The following AGK variants were observed in gnomAD, a reference collection of about 807,000 sequenced individuals.
AGK encodes the protein acylglycerol kinase.
AGK carries 52 observed loss-of-function variants against 66.4 expected under a neutral mutation model. That is an observed-to-expected ratio of 0.78 (90% CI 0.63 to 0.99). The LOEUF is 0.99. Ranked by LOEUF, AGK falls within the 50% of genes least tolerant of loss-of-function variation. The probability of loss-of-function intolerance (pLI) is 0.00; values close to 1 mark genes in which losing one functional copy is unlikely to be tolerated. For missense variants in AGK, 451 were observed against 506.6 expected, an observed-to-expected ratio of 0.89 and a Z score of 1.05; for synonymous variants, 182 against 181.1, an observed-to-expected ratio of 1.00 and a Z score of -0.04.
intron 9 of AGK, among the ~76,000 whole-genome samples, chr7:141,627,749 T>C (rs540921770): frequency 1.3e-5 from 2 of 152,358 alleles, no homozygotes; most frequent in East Asian, 3.9e-4. Context: ...GGAGATACTA[T>C]TTAAAATACT....
chr7:141,603,364 T>G (rs564550992), intron 5 of AGK, among the ~76,000 whole-genome samples: 3 of 152,348 alleles, frequency 2.0e-5, no homozygotes, highest in Non-Finnish European at 4.4e-5. Flanking sequence ...TTCTTACATT[T>G]CGACCCTGTC....
Position 141,653,404 on chromosome 7 carries a change from G to A in AGK, c.*480G>A, listed in dbSNP as rs1797611148. The A allele has an allele frequency of 6.5e-6, 1 of 153,710 alleles. No homozygotes were observed. Among genetic ancestry groups the A allele is most frequent in the Admixed American group, 6.4e-5 (1 of 15,672 alleles). The allele number at this position is 153,710 out of a possible 1,614,324, so 9.5% of individuals were successfully genotyped here. ...CGGCTCCTGTTTAGCTTTTATTTCA[G>A]TTCTAACCTCAGTCCAGAAACATAT... On this transcript the variant is annotated 3_prime_UTR_variant, in exon 16 of 16. Coordinates refer to ENST00000649286, the MANE Select transcript of AGK (RefSeq NM_018238.4).
intron 2 of AGK, among the ~76,000 whole-genome samples, chr7:141,565,817 C>CCTGG (rs1321372657): frequency 6.6e-6 from 1 of 152,146 alleles, no homozygotes; most frequent in East Asian, 1.9e-4. Flanking sequence ...TTGTCGCTTG[C>CCTGG]CTGGGTTCTT....
intron 10 of AGK, among the ~76,000 whole-genome samples, chr7:141,635,752 C>T (rs1045568507): frequency 2.6e-5 from 4 of 152,136 alleles, no homozygotes; most frequent in Non-Finnish European, 4.4e-5. Context: ...CATGGCTGCT[C>T]CAGTGATTTT....
chr7:141,615,319 C>T (rs1294377464), intron 7 of AGK, 152 bp from the exon 8 acceptor site: 31 of 511,670 alleles, frequency 6.1e-5, no homozygotes, highest in South Asian at 9.3e-5. Context: ...ACCCACCTAG[C>T]TTTATTTGAT....
chr7:141,567,204 C>A (rs554598609), intron 2 of AGK, among the ~76,000 whole-genome samples: 9 of 152,242 alleles, frequency 5.9e-5, no homozygotes, highest in African/African-American at 2.2e-4. Flanking sequence ...CAGTTGTTTT[C>A]AGGTATGATA....
chr7:141,557,855 A>G (rs1042885918), intron 2 of AGK, among the ~76,000 whole-genome samples: 1 of 152,192 alleles, frequency 6.6e-6, no homozygotes, highest in Non-Finnish European at 1.5e-5. Flanking sequence ...TGGTGAAAAA[A>G]CACAGGACAT....
intron 10 of AGK, among the ~76,000 whole-genome samples, chr7:141,636,549 C>G (rs1469082627): frequency 6.6e-6 from 1 of 152,138 alleles, no homozygotes; most frequent in African/African-American, 2.4e-5. Context: ...TTAAAATATA[C>G]AAGAGAATGT....
At position 141,593,168 on chromosome 7, in the gene AGK, G is replaced by A. The variant is rs775499077; in HGVS notation, c.124G>A (p.Ala42Thr). ...KHCDNLLRRA[A>T]CQEAQVFGNQ... ...TAGTGATAACCTCCTAAGGAGAGCAGCCTGTCAAGAAGCTCAGGTAATACT... is the reference window on the plus strand; with the variant it reads ...TAGTGATAACCTCCTAAGGAGAGCAACCTGTCAAGAAGCTCAGGTAATACT... Residue 42 changes from alanine to threonine, a missense_variant, in exon 3 of 16, where the codon GCC (alanine) becomes ACC (threonine). Coordinates refer to ENST00000649286, the MANE Select transcript of AGK (RefSeq NM_018238.4). 5 of 1,612,098 alleles carry A rather than the reference G, an allele frequency of 3.1e-6. No individual in the cohort carries two copies. The East Asian group carries it at 6.7e-5, about 22-fold the overall frequency.
At chr7:141,617,073 T>C (rs1002925789) in intron 8 of AGK, among the ~76,000 whole-genome samples, 3 of 152,172 alleles carry the variant, frequency 2.0e-5, no homozygotes, top group Non-Finnish European at 4.4e-5. Flanking sequence ...GGGCAGTAGA[T>C]AATGACAGTT....
chr7:141,614,063 G>C (rs1016243787), intron 6 of AGK, 83 bp from the exon 7 acceptor site: 1 of 1,014,842 alleles, frequency 9.9e-7, no homozygotes, highest in East Asian at 2.7e-5. Flanking sequence ...GTAAGTTTAT[G>C]GTCTATGAAA....
chr7:141,641,160 G>A lies in AGK; in HGVS notation c.727-88G>A, dbSNP rs951209411. ...TTAGTTCACTTTCTAGCAGGTATAG[G>A]TAGACAAATAAATAACTTTTGCAGA... On this transcript the variant is annotated intron_variant, in intron 11 of 15. Coordinates refer to ENST00000649286, the MANE Select transcript of AGK (RefSeq NM_018238.4). 7 of 1,269,240 alleles carry A rather than the reference G, an allele frequency of 5.5e-6. No homozygotes were observed. The African/African-American group carries it at 7.5e-5, about 14-fold the overall frequency. The allele number at this position is 1,269,240 out of a possible 1,614,324, so 78.6% of individuals were successfully genotyped here.
rs745385599 is a variant in AGK, at chr7:141,615,462, C to A, written c.424-9C>A. 2 of 1,610,762 alleles carry A rather than the reference C, an allele frequency of 1.2e-6. No individual in the cohort carries two copies. The highest frequency in any genetic ancestry group is 1.7e-5 in the Admixed American group (1 of 59,918). On this transcript the variant is annotated splice_polypyrimidine_tract_variant and intron_variant, in intron 7 of 15. Coordinates refer to ENST00000649286, the MANE Select transcript of AGK (RefSeq NM_018238.4). ...AACAATAAAACTTTCCTCTTCTTTC[C>A]CCCCCCAGGCTACCTTCAGTAAGAT...
At chr7:141,609,886 G>A (rs1796543400) in intron 5 of AGK, among the ~76,000 whole-genome samples, 1 of 151,870 alleles carries the variant, frequency 6.6e-6, no homozygotes, top group Non-Finnish European at 1.5e-5. Flanking sequence ...AATTCCAGGG[G>A]TTTTAGGAAC....
At chr7:141,648,517 A>C (rs73171603) in intron 13 of AGK, among the ~76,000 whole-genome samples, 1,897 of 152,298 alleles carry the variant, frequency 0.012, 37 homozygotes, top group Admixed American at 0.018. Flanking sequence ...CAGAGGCCTC[A>C]AATCCTGGGC....
At chr7:141,648,658 G>T (rs1318992247) in intron 13 of AGK, among the ~76,000 whole-genome samples, 1 of 152,154 alleles carries the variant, frequency 6.6e-6, no homozygotes, top group Non-Finnish European at 1.5e-5. Flanking sequence ...TATGGGAACT[G>T]GTCCAAGAAC....
At chr7:141,618,083 T>C (rs990314082) in intron 8 of AGK, among the ~76,000 whole-genome samples, 12 of 152,182 alleles carry the variant, frequency 7.9e-5, no homozygotes, top group East Asian at 3.9e-4. Context: ...TGTGTCTATC[T>C]TGGGATTTTA....
Position 141,593,153 on chromosome 7 carries a change from C to T in AGK, c.109C>T (p.Leu37Phe). Residue 37 changes from leucine to phenylalanine, a missense_variant, in exon 3 of 16, where the codon CTC becomes TTC. Leu to Phe is a conservative substitution (Grantham distance 22). Coordinates refer to ENST00000649286, the MANE Select transcript of AGK (RefSeq NM_018238.4). Reference protein sequence around the residue: ...HWLYGKHCDNLLRRAACQEAQ... With the variant: ...HWLYGKHCDNFLRRAACQEAQ... ...TTTTGCTTACTTTGATAGTGATAAC[C>T]TCCTAAGGAGAGCAGCCTGTCAAGA... The T allele has an allele frequency of 6.2e-7, 1 of 1,611,586 alleles. No individual in the cohort carries two copies. Among genetic ancestry groups the T allele is most frequent in the Non-Finnish European group, 8.5e-7 (1 of 1,179,390 alleles).
At chr7:141,611,071 C>A in intron 5 of AGK, 124 bp from the exon 6 acceptor site, 1 of 555,038 alleles carries the variant, frequency 1.8e-6, no homozygotes, top group Non-Finnish European at 3.2e-6. Context: ...TCATGTCTAT[C>A]AGTTATGTAA....
Sources: allele counts gnomAD v4.1 joint callset (sites outside exome capture counted in the v4.1 genomes callset), GRCh38; gene constraint gnomAD v4.1.1; transcripts MANE v1.5; gene names NCBI Gene and HGNC (gene_info 2026-07-23, HGNC 2026-07-21).